The following CD82 variants were observed in gnomAD, a reference collection of about 807,000 sequenced individuals.
CD82 encodes CD82 molecule, also known as CD82 antigen.
CD82 carries 36 observed loss-of-function variants against 37.4 expected under a neutral mutation model. That is an observed-to-expected ratio of 0.96 (90% confidence interval 0.74 to 1.27). CD82 has a LOEUF of 1.27. Among genes scored for constraint, CD82 ranks in the 50% most tolerant of loss-of-function variants. The pLI, the probability that CD82 is intolerant of heterozygous loss-of-function variation, is 0.00. For synonymous variants in CD82, 158 were observed against 137.4 expected (o/e 1.15, Z -1.05); for missense variants, 340 against 347.0 (o/e 0.98, Z 0.16).
intron 1 of CD82, among the ~76,000 whole-genome samples, chr11:44,575,947 C>T (rs1008209817): frequency 6.6e-6 from 1 of 152,224 alleles, no homozygotes; most frequent in African/African-American, 2.4e-5. Flanking sequence ...CGTTCCCCAC[C>T]TTGACTTCTC....
chr11:44,619,249 T>G lies in CD82; in HGVS notation c.*123T>G, dbSNP rs1853621311. 1.3e-6 allele frequency: 1 copy of G among 759,608 alleles called. No individual in the cohort carries two copies. Among genetic ancestry groups the G allele is most frequent in the Admixed American group, 2.0e-5 (1 of 50,904 alleles). The allele number at this position is 759,608 out of a possible 1,614,324, so 47.1% of individuals were successfully genotyped here. On this transcript the variant is annotated 3_prime_UTR_variant, in exon 10 of 10. Coordinates refer to ENST00000227155, the MANE Select transcript of CD82 (RefSeq NM_002231.4). ...CGAAGACCCTCTTGCCCATCCTGAC[T>G]GAAAGTAGGGGGCTTTCTGGGGCCT... is the stretch of plus-strand genomic sequence containing the variant.
chr11:44,615,399 GC>G, intron 7 of CD82, 26 bp downstream of exon 7: 2 of 1,445,514 alleles, frequency 1.4e-6, no homozygotes, highest in South Asian at 2.3e-5. Flanking sequence ...GCTGCAGGAG[GC>G]TCTCTGGCCT....
intron 1 of CD82, among the ~76,000 whole-genome samples, chr11:44,567,892 G>C (rs1350629760): frequency 6.6e-6 from 1 of 152,244 alleles, no homozygotes; most frequent in East Asian, 1.9e-4. Context: ...ATAGTGTCTT[G>C]AGGAGAGGAA....
intron 2 of CD82, among the ~76,000 whole-genome samples, chr11:44,592,295 A>G: frequency 6.6e-6 from 1 of 152,226 alleles, no homozygotes; most frequent in East Asian, 1.9e-4. Context: ...CAATTTCACA[A>G]GGATGCCAAT....
At chr11:44,573,407 T>G (rs1434962177) in intron 1 of CD82, among the ~76,000 whole-genome samples, 3 of 152,162 alleles carry the variant, frequency 2.0e-5, no homozygotes, top group Non-Finnish European at 4.4e-5. Context: ...AATAGAAACT[T>G]GGCAGGGGAG....
upstream of CD82, chr11:44,565,578 C>T (rs1212991002): frequency 6.7e-6 from 1 of 149,530 alleles, no homozygotes; most frequent in Non-Finnish European, 1.5e-5. Context: ...GGGGGCGTGT[C>T]TTCTGGGGGC....
At chr11:44,613,058 T>C (rs1853509268) in intron 6 of CD82, among the ~76,000 whole-genome samples, 1 of 152,172 alleles carries the variant, frequency 6.6e-6, no homozygotes, top group Non-Finnish European at 1.5e-5. Context: ...TGCTGGAAGC[T>C]CCACCAACAG....
chr11:44,615,364 G>C lies in CD82; in HGVS notation c.429G>C (p.Val143=). 6.2e-7 allele frequency: 1 copy of C among 1,607,812 alleles called. No homozygotes were observed. The highest frequency in any genetic ancestry group is 8.5e-7 in the Non-Finnish European group (1 of 1,174,302). The change falls in exon 7 of 10, where the codon GTG becomes GTC. Residue 143 remains valine, a synonymous_variant. Transcript: ENST00000227155. ...EDSLQDAWDY[V]QAQVKCCGWV... is the part of the protein sequence containing the mutation. ...GCCTGCAGGATGCCTGGGACTACGT[G>C]CAGGCTCAGGTGAGGTGGGGCGGGG...
chr11:44,579,848 G>A (rs776830359), intron 1 of CD82, among the ~76,000 whole-genome samples: 3 of 152,210 alleles, frequency 2.0e-5, no homozygotes, highest in Admixed American at 6.5e-5. Context: ...CTGGGCTCCC[G>A]TCATGGAGAG....
chr11:44,604,682 G>A, intron 4 of CD82: 1 of 314,868 alleles, frequency 3.2e-6, no homozygotes, highest in Non-Finnish European at 6.1e-6. Flanking sequence ...TTCGAGCTGG[G>A]GGTTCCCCAG....
At chr11:44,571,269 C>T (rs1280569155) in intron 1 of CD82, among the ~76,000 whole-genome samples, 1 of 152,154 alleles carries the variant, frequency 6.6e-6, no homozygotes, top group Non-Finnish European at 1.5e-5. Flanking sequence ...CAGAAGCCTT[C>T]CTGAGTCCCA....
Position 44,583,811 on chromosome 11 carries a change from TA to T in CD82, c.-102-3662del, listed in dbSNP as rs572942457. Among the ~76,000 whole-genome samples, 15 of 152,302 alleles carry T rather than the reference TA, an allele frequency of 9.8e-5. No homozygotes were observed. The South Asian group carries it at 2.5e-3, about 25-fold the overall frequency. On this transcript the variant is annotated intron_variant, in intron 1 of 9. Coordinates refer to ENST00000227155, the MANE Select transcript of CD82 (RefSeq NM_002231.4). ...TGGAGATTGCATGGGATACAGTGGG[TA>T]ATGGCATAATATTCAGGGATGGCTG...
Position 44,575,031 on chromosome 11 carries a change from G to C in CD82, c.-103+9295G>C, listed in dbSNP as rs1287203081. On this transcript the variant is annotated intron_variant, in intron 1 of 9. Coordinates refer to ENST00000227155, the MANE Select transcript of CD82 (RefSeq NM_002231.4). ...TTTCTAGAAGTGGCTTTCCAGCTCA[G>C]ATGGTTTTTAAACTCAAGGTCAGAG... 3.3e-5 allele frequency among the ~76,000 whole-genome samples: 5 copies of C among 152,358 alleles called. No individual in the cohort carries two copies. In the East Asian group the frequency reaches 9.6e-4, roughly 29 times the overall value.
At chr11:44,568,169 G>A (rs1200836409) in intron 1 of CD82, among the ~76,000 whole-genome samples, 4 of 152,210 alleles carry the variant, frequency 2.6e-5, no homozygotes, top group Non-Finnish European at 5.9e-5. Context: ...ATGTGCTGGG[G>A]TGGAGGATCC....
chr11:44,577,802 T>C (rs1192340594), intron 1 of CD82, among the ~76,000 whole-genome samples: 1 of 152,180 alleles, frequency 6.6e-6, no homozygotes, highest in Admixed American at 6.5e-5. Context: ...GCTCAGGCTA[T>C]GTTCTGCCTC....
intron 1 of CD82, among the ~76,000 whole-genome samples, chr11:44,577,799 C>G (rs2134627233): frequency 6.6e-6 from 1 of 152,274 alleles, no homozygotes; most frequent in Non-Finnish European, 1.5e-5. Flanking sequence ...TGGGCTCAGG[C>G]TATGTTCTGC....
Position 44,619,058 on chromosome 11 carries a change from A to T in CD82, c.736A>T (p.Met246Leu), listed in dbSNP as rs1474873956. The change falls in exon 10 of 10, where the codon ATG (methionine) becomes TTG (leucine). Residue 246 changes from methionine to leucine, a missense_variant. Met to Leu is a conservative substitution (Grantham distance 15). Transcript: ENST00000227155. ...CCGCCTCTCCCCACAGCTCCTGGGG[A>T]TGGTCCTGTCCATCTGCTTGTGCCG... Reference protein sequence around the residue: ...VGVAIIELLGMVLSICLCRHV... With the variant: ...VGVAIIELLGLVLSICLCRHV... 6.2e-7 allele frequency: 1 copy of T among 1,611,040 alleles called. No individual in the cohort carries two copies. Among genetic ancestry groups the T allele is most frequent in the Admixed American group, 1.7e-5 (1 of 59,764 alleles).
intron 3 of CD82, among the ~76,000 whole-genome samples, chr11:44,595,971 C>T (rs1853219489): frequency 6.6e-6 from 1 of 151,124 alleles, no homozygotes; most frequent in Non-Finnish European, 1.5e-5. Flanking sequence ...TAACCCAATG[C>T]ACAGACATGT....
intron 1 of CD82, among the ~76,000 whole-genome samples, chr11:44,569,141 G>A (rs1381787516): frequency 6.6e-6 from 1 of 152,196 alleles, no homozygotes; most frequent in Non-Finnish European, 1.5e-5. Flanking sequence ...CTACCCACCC[G>A]CTTCCCCTCC....
Sources: allele counts gnomAD v4.1 joint callset (sites outside exome capture counted in the v4.1 genomes callset), GRCh38; gene constraint gnomAD v4.1.1; transcripts MANE v1.5; gene names NCBI Gene and HGNC (gene_info 2026-07-23, HGNC 2026-07-21).